The following AKAP13 variants were observed in gnomAD, a reference collection of about 807,000 sequenced individuals.
The protein encoded by AKAP13 is A-kinase anchor protein 13.
In AKAP13, 80 loss-of-function variants were observed where a neutral mutation model predicts 264.5. The observed-to-expected ratio is 0.30, with a 90% CI of 0.25 to 0.36. AKAP13 has a LOEUF of 0.36. AKAP13 is among the 10% of genes least tolerant of loss of function. The pLI, the probability that AKAP13 is intolerant of heterozygous loss-of-function variation, is 1.00. For synonymous variants in AKAP13, 1,380 were observed against 1,250.2 expected (o/e 1.10, Z -2.19); for missense variants, 3,712 against 3,435.2 (o/e 1.08, Z -2.01).
At chr15:85,539,752 G>C (rs566051239) in intron 4 of AKAP13, among the ~76,000 whole-genome samples, 2 of 152,244 alleles carry the variant, frequency 1.3e-5, no homozygotes, top group Admixed American at 1.3e-4. Context: ...CTTCTCTGTG[G>C]GTAGAGGCTA....
chr15:85,605,525 G>A (rs1360252083), intron 8 of AKAP13, among the ~76,000 whole-genome samples: 4 of 152,160 alleles, frequency 2.6e-5, no homozygotes, highest in Non-Finnish European at 1.5e-5. Context: ...ATGCATTGCT[G>A]GGCTTAATAC....
rs940102326 is a variant in AKAP13, at chr15:85,745,425, A to C, written c.*748A>C. 6.6e-6 allele frequency: 1 copy of C among 152,040 alleles called. No homozygotes were observed. Among genetic ancestry groups the C allele is most frequent in the Non-Finnish European group, 1.5e-5 (1 of 67,998 alleles). 9.4% of individuals were successfully genotyped at this position (152,040 alleles called of 1,614,324 possible). A position where few individuals can be genotyped will look rare whatever the true frequency, so the allele number is the denominator to read the frequency against. ...TTTCAGGCACTAAAGCAACAAAACA[A>C]CCCATAGTATCTCATTCTGTCATCA... On this transcript the variant is annotated 3_prime_UTR_variant, in exon 37 of 37. Transcript: ENST00000394518.
At chr15:85,582,672 G>A (rs969187371) in intron 7 of AKAP13, among the ~76,000 whole-genome samples, 4 of 150,784 alleles carry the variant, frequency 2.7e-5, no homozygotes, top group Non-Finnish European at 4.4e-5. Flanking sequence ...GTTTGTTTTT[G>A]TTTTTTTTGG....
At chr15:85,466,148 CTTCTT>C (rs1337639885) in intron 1 of AKAP13, among the ~76,000 whole-genome samples, 1 of 150,916 alleles carries the variant, frequency 6.6e-6, no homozygotes, top group African/African-American at 2.4e-5. Flanking sequence ...GCAAAAATGT[CTTCTT>C]TTGAGAAGTG....
intron 1 of AKAP13, among the ~76,000 whole-genome samples, chr15:85,407,567 A>G (rs1325281441): frequency 6.6e-6 from 1 of 151,322 alleles, no homozygotes; most frequent in Non-Finnish European, 1.5e-5. Context: ...CATGAGTAGG[A>G]ATTTGCCAGG....
intron 1 of AKAP13, among the ~76,000 whole-genome samples, chr15:85,401,281 T>C (rs2071409251): frequency 7.2e-6 from 1 of 139,784 alleles, no homozygotes; most frequent in South Asian, 2.5e-4. Flanking sequence ...ACCCAGTTTT[T>C]TATGTAGTAT....
At chr15:85,462,014 A>G (rs2151001932) in intron 1 of AKAP13, among the ~76,000 whole-genome samples, 1 of 152,342 alleles carries the variant, frequency 6.6e-6, no homozygotes, top group South Asian at 2.1e-4. Context: ...ATCCTGCCTT[A>G]ATTTGCCAAC....
At chr15:85,412,359 C>T (rs1270426697) in intron 1 of AKAP13, among the ~76,000 whole-genome samples, 2 of 152,174 alleles carry the variant, frequency 1.3e-5, no homozygotes, top group Non-Finnish European at 2.9e-5. Flanking sequence ...TAAAAATGTA[C>T]TTCCCCAAAC....
chr15:85,629,763 CCTTTTTTT>C (rs1466099897), intron 8 of AKAP13, among the ~76,000 whole-genome samples: 1 of 76,150 alleles, frequency 1.3e-5, no homozygotes, highest in African/African-American at 4.1e-5. Context: ...TCCTTTACAG[CCTTTTTTT>C]TTTTTTTTTT....
rs1409717991 is a variant in AKAP13 at position 85,748,843 on chromosome 15, G to T, written c.*4166G>T. 1 of 152,348 alleles carries T rather than the reference G, an allele frequency of 6.6e-6. No individual in the cohort carries two copies. The allele number at this position is 152,348 out of a possible 1,614,324, so 9.4% of individuals were successfully genotyped here. On this transcript the variant is annotated 3_prime_UTR_variant, in exon 37 of 37. Transcript: ENST00000394518. ...ACCAGGTGGGACCACCTGTGCTGCA[G>T]TCCGGAGGGGCTTCTGCAGGAAGCA...
At chr15:85,590,212 C>T (rs748450126) in intron 8 of AKAP13, among the ~76,000 whole-genome samples, 38 of 152,242 alleles carry the variant, frequency 2.5e-4, no homozygotes, top group Admixed American at 4.6e-4. Context: ...GCTTTGCTAC[C>T]GGCTTCAAAA....
intron 1 of AKAP13, among the ~76,000 whole-genome samples, chr15:85,385,984 C>T (rs1415935552): frequency 2.0e-5 from 3 of 151,930 alleles, no homozygotes; most frequent in Non-Finnish European, 1.5e-5. Context: ...CACCACCACA[C>T]CCAGCTAATT....
chr15:85,704,861 CTT>C (rs2086141462), intron 17 of AKAP13, among the ~76,000 whole-genome samples: 2 of 152,182 alleles, frequency 1.3e-5, no homozygotes, highest in South Asian at 2.1e-4. Flanking sequence ...AGTCTCATGA[CTT>C]TGGCTGATGT....
intron 14 of AKAP13, among the ~76,000 whole-genome samples, chr15:85,674,151 A>G (rs539514089): frequency 6.6e-6 from 1 of 152,104 alleles, no homozygotes; most frequent in African/African-American, 2.4e-5. Flanking sequence ...TTAACTTCAT[A>G]TGCTTCTTAA....
At position 85,503,532 on chromosome 15, in the gene AKAP13, G is replaced by A. The variant is rs572051653; in HGVS notation, c.33+17779G>A. ...TGTTGTACCCTGGGTTAGGAATGAT[G>A]TGTGACCAGAGGTGATTCAACTTGA... On this transcript the variant is annotated intron_variant, in intron 2 of 36. Transcript: ENST00000394518. Among the ~76,000 whole-genome samples, 6 of 152,310 alleles carry A rather than the reference G, an allele frequency of 3.9e-5. No homozygotes were observed. The South Asian group carries it at 1.2e-3, about 32-fold the overall frequency.
At chr15:85,617,082 TTCTC>T (rs1470709501) in intron 8 of AKAP13, among the ~76,000 whole-genome samples, 1 of 152,218 alleles carries the variant, frequency 6.6e-6, no homozygotes, top group African/African-American at 2.4e-5. Context: ...TGAAACAAGT[TTCTC>T]TCTCCTAAAA....
At chr15:85,584,317 A>G (rs2079246324) in intron 7 of AKAP13, among the ~76,000 whole-genome samples, 1 of 152,154 alleles carries the variant, frequency 6.6e-6, no homozygotes, top group Non-Finnish European at 1.5e-5. Flanking sequence ...GGCTGCCGAC[A>G]CCCGTCAAGT....
intron 8 of AKAP13, among the ~76,000 whole-genome samples, chr15:85,622,591 T>C (rs1034183225): frequency 1.3e-5 from 2 of 152,196 alleles, no homozygotes; most frequent in Non-Finnish European, 2.9e-5. Flanking sequence ...GCCGTTATGA[T>C]AGCACAGGCA....
intron 1 of AKAP13, among the ~76,000 whole-genome samples, chr15:85,447,252 T>C (rs916617433): frequency 6.6e-6 from 1 of 152,022 alleles, no homozygotes; most frequent in African/African-American, 2.4e-5. Context: ...GGTGACAGAG[T>C]GAGATTCCAT....
Sources: gnomAD v4.1 joint callset for allele counts (sites outside exome capture counted in the v4.1 genomes callset) on GRCh38, gnomAD v4.1.1 for gene constraint, MANE v1.5 for transcripts, NCBI Gene and HGNC (gene_info 2026-07-23, HGNC 2026-07-21) for gene names.